Variants in STMN3 observed in about 807,000 individuals in gnomAD.
STMN3 encodes stathmin-3.
A neutral mutation model predicts 23.2 loss-of-function variants in STMN3; 24 were observed. The ratio of observed to expected loss-of-function variants is 1.03; its 90% CI spans 0.75 to 1.45. STMN3 has a LOEUF of 1.45. Among genes scored for constraint, STMN3 ranks in the 40% most tolerant of loss-of-function variants. The pLI, the probability that STMN3 is intolerant of heterozygous loss-of-function variation, is 0.00. For synonymous variants in STMN3, 117 were observed against 103.4 expected (o/e 1.13, Z -0.80); for missense variants, 235 against 237.6 (o/e 0.99, Z 0.07).
At chr20:63,641,466 G>A (rs1203646921) in intron 4 of STMN3, 69 bp from the exon 5 acceptor site, 14 of 1,385,842 alleles carry the variant, frequency 1.0e-5, no homozygotes, top group Non-Finnish European at 1.4e-5. Flanking sequence ...ACCCCCAGGC[G>A]CGCAGGCCGT....
chr20:63,647,097 C>A (rs1193286533), intron 1 of STMN3, among the ~76,000 whole-genome samples: 17 of 151,486 alleles, frequency 1.1e-4, no homozygotes, highest in Non-Finnish European at 1.5e-5. Flanking sequence ...CACCTGAGGT[C>A]AGGAGTTCAA....
chr20:63,650,773 C>T (rs1359553843), intron 1 of STMN3, among the ~76,000 whole-genome samples: 1 of 70,666 alleles, frequency 1.4e-5, no homozygotes, highest in Non-Finnish European at 2.8e-5. Context: ...CCCCTCCCGC[C>T]GTCCAGGTGG....
intron 1 of STMN3, 91 bp downstream of exon 1, chr20:63,653,236 C>T: frequency 1.4e-6 from 2 of 1,471,672 alleles, no homozygotes; most frequent in Admixed American, 2.1e-5. Context: ...GGGAAATTGG[C>T]GTCCGCTGCC....
intron 1 of STMN3, among the ~76,000 whole-genome samples, chr20:63,648,423 T>C (rs2089834851): frequency 6.6e-6 from 1 of 152,130 alleles, no homozygotes; most frequent in Admixed American, 6.6e-5. Flanking sequence ...CAGCTCATCC[T>C]TCCTTATCAC....
chr20:63,647,723 T>TA lies in STMN3; in HGVS notation c.20-3415_20-3414insT, dbSNP rs1569069868. On this transcript the variant is annotated intron_variant, in intron 1 of 4. Transcript: ENST00000370053. ...TAATATATATACACGTGTATATATA[T>TA]TATATACATATATATACACGTGTAT... Among the ~76,000 whole-genome samples the TA allele has an allele frequency of 3.1e-5, 4 of 127,506 alleles. No homozygotes were observed. In the East Asian group the frequency reaches 8.4e-4, roughly 27 times the overall value. 83.6% of individuals were successfully genotyped at this position (127,506 alleles called of 152,430 possible). A position where few individuals can be genotyped will look rare whatever the true frequency, so the allele number is the denominator to read the frequency against.
chr20:63,647,668 T>C (rs1174030276), intron 1 of STMN3, among the ~76,000 whole-genome samples: 2 of 114,698 alleles, frequency 1.7e-5, no homozygotes, highest in Non-Finnish European at 3.8e-5. Context: ...ATATAATATA[T>C]ATATACGTAT....
chr20:63,647,443 T>C (rs1055898956), intron 1 of STMN3, among the ~76,000 whole-genome samples: 1 of 150,410 alleles, frequency 6.6e-6, no homozygotes, highest in Non-Finnish European at 1.5e-5. Flanking sequence ...GATGAAACCC[T>C]GTCTCTACTA....
intron 4 of STMN3, 101 bp from the exon 5 acceptor site, chr20:63,641,498 C>T: frequency 1.0e-6 from 1 of 964,084 alleles, no homozygotes; most frequent in Non-Finnish European, 1.6e-6. Flanking sequence ...ACCCGCCCGG[C>T]CTCATCCGGG....
intron 1 of STMN3, among the ~76,000 whole-genome samples, chr20:63,647,894 GTATA>G (rs1463029249): frequency 8.9e-6 from 1 of 111,916 alleles, no homozygotes; most frequent in Non-Finnish European, 1.8e-5. Context: ...ATATATATAC[GTATA>G]TATACACGTG....
chr20:63,642,528 C>A (rs550914714), intron 3 of STMN3, among the ~76,000 whole-genome samples: 38 of 152,178 alleles, frequency 2.5e-4, no homozygotes, highest in African/African-American at 7.5e-4. Flanking sequence ...CGCCCCCGCC[C>A]CCGTCCCTGC....
intron 4 of STMN3, 152 bp from the exon 5 acceptor site, chr20:63,641,549 A>G: frequency 1.6e-6 from 1 of 630,298 alleles, no homozygotes; most frequent in South Asian, 1.9e-5. Flanking sequence ...AGGGGGCGGG[A>G]GCACCGGGGA....
chr20:63,647,617 AAAAC>A (rs921645344), intron 1 of STMN3, among the ~76,000 whole-genome samples: 4 of 146,986 alleles, frequency 2.7e-5, no homozygotes, highest in African/African-American at 1.0e-4. Context: ...CTCTGTCTCA[AAAAC>A]AAACACAAAC....
intron 1 of STMN3, among the ~76,000 whole-genome samples, chr20:63,650,621 G>A (rs556139274): frequency 2.8e-4 from 27 of 95,648 alleles, no homozygotes; most frequent in African/African-American, 1.1e-3. Flanking sequence ...CCACCCACCC[G>A]GGTGGATGGT....
rs2089747455 is a variant in STMN3, at chr20:63,640,128, C to CT, written c.*1209dup. ...AGAGAACTCAGCCGCCCCCTTCACA[C>CT]TTTACAGCAAGGGGCCAGGCAGCAG... On this transcript the variant is annotated 3_prime_UTR_variant, in exon 5 of 5. Coordinates refer to ENST00000370053, the MANE Select transcript of STMN3 (RefSeq NM_015894.4). The CT allele has an allele frequency of 6.5e-6, 1 of 152,840 alleles. No homozygotes were observed. Among genetic ancestry groups the CT allele is most frequent in the Admixed American group, 6.5e-5 (1 of 15,278 alleles). The allele number at this position is 152,840 out of a possible 1,614,324, so 9.5% of individuals were successfully genotyped here.
rs1231293711 is a variant in STMN3, at chr20:63,647,657, T to C, written c.20-3348A>G. 3.0e-5 allele frequency among the ~76,000 whole-genome samples: 4 copies of C among 131,166 alleles called. No individual in the cohort carries two copies. In the East Asian group the frequency reaches 8.1e-4, roughly 27 times the overall value. The allele number at this position is 131,166 out of a possible 152,430, so 86.0% of individuals were successfully genotyped here. On this transcript the variant is annotated intron_variant, in intron 1 of 4. Transcript: ENST00000370053. ...AAACATATATATATATACATGTATATATATAATATATATATACGTATATAT... is the reference window on the plus strand; with the variant it reads ...AAACATATATATATATACATGTATACATATAATATATATATACGTATATAT...
chr20:63,652,469 C>T lies in STMN3; in HGVS notation c.19+858G>A. On this transcript the variant is annotated intron_variant, in intron 1 of 4. Transcript: ENST00000370053. The surrounding 1 kb of genome is among the most constrained non-coding windows in gnomAD (Gnocchi z 5.3). ...CAGCGTCCTCGCGCCCGAGGTCGCC[C>T]GGCAGCTCCCCTGCGTCCAGAATCC... 1 of 722,712 alleles carries T rather than the reference C, an allele frequency of 1.4e-6. No homozygotes were observed. The highest frequency in any genetic ancestry group is 1.7e-6 in the Non-Finnish European group (1 of 589,552). 44.8% of individuals were successfully genotyped at this position (722,712 alleles called of 1,614,324 possible). A position where few individuals can be genotyped will look rare whatever the true frequency, so the allele number is the denominator to read the frequency against.
intron 1 of STMN3, among the ~76,000 whole-genome samples, chr20:63,650,411 G>A (rs929941548): frequency 2.0e-5 from 3 of 150,942 alleles, no homozygotes; most frequent in Non-Finnish European, 4.4e-5. Flanking sequence ...AGTAGTGCCC[G>A]CTCCCAGGGT....
chr20:63,650,918 C>T (rs2089853693), intron 1 of STMN3, among the ~76,000 whole-genome samples: 1 of 136,746 alleles, frequency 7.3e-6, no homozygotes, highest in Admixed American at 7.7e-5. Flanking sequence ...AGCTCTCCTT[C>T]TCCTTCTCTT....
chr20:63,642,350 G>A (rs774794764), intron 3 of STMN3, 51 bp from the exon 4 acceptor site: 1 of 1,320,076 alleles, frequency 7.6e-7, no homozygotes, highest in Non-Finnish European at 9.8e-7. Context: ...GCCCTGCCCG[G>A]CCGGACTCCT....
Sources: allele counts gnomAD v4.1 joint callset (sites outside exome capture counted in the v4.1 genomes callset), GRCh38; gene constraint gnomAD v4.1.1; non-coding constraint Gnocchi (gnomAD v3.1); transcripts MANE v1.5; gene names NCBI Gene and HGNC (gene_info 2026-07-23, HGNC 2026-07-21).